Variants in TRHDE observed in about 807,000 individuals in gnomAD.
The protein encoded by TRHDE is thyrotropin releasing hormone degrading enzyme, also known as thyrotropin-releasing hormone-degrading ectoenzyme.
In TRHDE, 72 loss-of-function variants were observed where a neutral mutation model predicts 125.7. The observed-to-expected ratio is 0.57, with a 90% confidence interval of 0.47 to 0.70. The LOEUF is 0.70. Ranked by LOEUF, TRHDE falls within the 30% of genes least tolerant of loss-of-function variation. The pLI, the probability that TRHDE is intolerant of heterozygous loss-of-function variation, is 0.00. For synonymous variants in TRHDE, 509 were observed against 509.1 expected (o/e 1.00, Z 0.00); for missense variants, 1,110 against 1,327.1 (o/e 0.84, Z 2.54).
chr12:72,192,287 T>G (rs1408542001), intron 2 of TRHDE, among the ~76,000 whole-genome samples: 1 of 152,140 alleles, frequency 6.6e-6, no homozygotes. Flanking sequence ...CCAAGTGATA[T>G]CGATGCTTCT....
chr12:72,397,671 G>T (rs184820952), intron 3 of TRHDE, among the ~76,000 whole-genome samples: 1 of 152,110 alleles, frequency 6.6e-6, no homozygotes, highest in African/African-American at 2.4e-5. Context: ...GGTCTGAAAT[G>T]CTTTTCACTA....
chr12:72,618,435 C>T (rs1314678298), intron 12 of TRHDE, among the ~76,000 whole-genome samples: 2 of 152,026 alleles, frequency 1.3e-5, no homozygotes, highest in Non-Finnish European at 2.9e-5. Context: ...CTCAGAACTA[C>T]AAATTGACAC....
chr12:72,179,146 C>A (rs1414962120), intron 2 of TRHDE, among the ~76,000 whole-genome samples: 1 of 152,032 alleles, frequency 6.6e-6, no homozygotes, highest in Non-Finnish European at 1.5e-5. Context: ...ATTTCTGGTA[C>A]AAGAAGTTCA....
intron 5 of TRHDE, among the ~76,000 whole-genome samples, chr12:72,482,564 T>C (rs537262278): frequency 1.3e-5 from 2 of 152,094 alleles, no homozygotes; most frequent in South Asian, 2.1e-4. Context: ...AGGTAAGTTA[T>C]GCTTTTAAGT....
intron 2 of TRHDE, among the ~76,000 whole-genome samples, chr12:72,166,306 GAT>G (rs147991647): frequency 9.9e-5 from 15 of 151,062 alleles, no homozygotes; most frequent in African/African-American, 2.4e-4. Context: ...TACATGTGGA[GAT>G]ATATATATAT....
chr12:72,562,299 A>G (rs1870215510), intron 8 of TRHDE, 69 bp downstream of exon 8: 6 of 786,052 alleles, frequency 7.6e-6, no homozygotes, highest in Non-Finnish European at 1.1e-5. Context: ...TAAGACATTC[A>G]TAGCCTTTAT....
chr12:72,619,633 A>T (rs1189180480), intron 13 of TRHDE, among the ~76,000 whole-genome samples: 1 of 152,182 alleles, frequency 6.6e-6, no homozygotes, highest in East Asian at 1.9e-4. Flanking sequence ...AACCAAAATT[A>T]CACTGCTCAT....
chr12:72,423,626 C>T (rs181096530), intron 3 of TRHDE, among the ~76,000 whole-genome samples: 71 of 152,232 alleles, frequency 4.7e-4, no homozygotes, highest in African/African-American at 1.6e-3. Context: ...TCATTCTTAT[C>T]TTGGGAAACT....
chr12:72,624,785 G>T (rs1873191609), intron 15 of TRHDE, among the ~76,000 whole-genome samples: 2 of 151,930 alleles, frequency 1.3e-5, no homozygotes, highest in Non-Finnish European at 2.9e-5. Flanking sequence ...TTGTTAGGCT[G>T]CAATTTGGAG....
At position 72,154,877 on chromosome 12, in the gene TRHDE, G is replaced by A. The variant is rs371643286; in HGVS notation, n.279+49125G>A. On this transcript the variant is annotated intron_variant and non_coding_transcript_variant, in intron 2 of 4. Coordinates refer to the TRHDE transcript ENST00000548156. ...GAATCTGACAATTATGTGTCTTGGAGTTGCTCTTCTCTAGGAGTATCTTTG... is the reference window on the plus strand; with the variant it reads ...GAATCTGACAATTATGTGTCTTGGAATTGCTCTTCTCTAGGAGTATCTTTG... Among the ~76,000 whole-genome samples the A allele has an allele frequency of 1.1e-3, 168 of 152,224 alleles. 8 individuals carry two copies. The South Asian group carries it at 0.033, about 30-fold the overall frequency.
intron 2 of TRHDE, among the ~76,000 whole-genome samples, chr12:72,125,818 G>A (rs570838820): frequency 2.0e-5 from 3 of 152,248 alleles, no homozygotes; most frequent in Admixed American, 2.0e-4. Flanking sequence ...AAAAAATGAG[G>A]TGATCCCTAT....
rs1338917636 is a variant in TRHDE at position 72,592,849 on chromosome 12, T to A, written c.2321+17307T>A. 2.0e-5 allele frequency among the ~76,000 whole-genome samples: 3 copies of A among 152,068 alleles called. No individual in the cohort carries two copies. In the East Asian group the frequency reaches 5.8e-4, roughly 29 times the overall value. On this transcript the variant is annotated intron_variant, in intron 12 of 18. Coordinates refer to ENST00000261180, the MANE Select transcript of TRHDE (RefSeq NM_013381.3). Reference sequence around the variant, plus strand: ...CCTCAGCATCCCGAGTAGCTGGGATTACAGACACCTGCCACTATGCCCGGC... The same window carrying A: ...CCTCAGCATCCCGAGTAGCTGGGATAACAGACACCTGCCACTATGCCCGGC...
At chr12:72,138,932 T>C (rs373868288) in intron 2 of TRHDE, among the ~76,000 whole-genome samples, 2 of 152,156 alleles carry the variant, frequency 1.3e-5, no homozygotes, top group African/African-American at 4.8e-5. Flanking sequence ...AACTTGGCTG[T>C]GGGAAGCAAG....
chr12:72,308,832 A>G (rs1868407063), intron 2 of TRHDE, among the ~76,000 whole-genome samples: 1 of 152,156 alleles, frequency 6.6e-6, no homozygotes, highest in Admixed American at 6.5e-5. Flanking sequence ...CTAATCCAGT[A>G]TTATTCCCTT....
At chr12:72,549,837 C>T (rs186032792) in intron 7 of TRHDE, among the ~76,000 whole-genome samples, 1 of 151,590 alleles carries the variant, frequency 6.6e-6, no homozygotes, top group South Asian at 2.1e-4. Context: ...AGAGAAATAA[C>T]TTTTATTCAT....
At position 72,591,294 on chromosome 12, in the gene TRHDE, CTA is replaced by C. The variant is rs550987330; in HGVS notation, c.2321+15754_2321+15755del. On this transcript the variant is annotated intron_variant, in intron 12 of 18. Transcript: ENST00000261180. ...ATCCATATCACTGTTGGATTTTGAG[CTA>C]TGTTTCTTTGCATAATTTTTCTGCA... is the stretch of plus-strand genomic sequence containing the variant. Among the ~76,000 whole-genome samples, 336 of 152,198 alleles carry C rather than the reference CTA, an allele frequency of 2.2e-3. 2 individuals are homozygous for C. The highest frequency in any genetic ancestry group is 7.6e-3 in the African/African-American group (314 of 41,512).
intron 12 of TRHDE, among the ~76,000 whole-genome samples, chr12:72,580,616 T>C (rs1447014872): frequency 6.6e-6 from 1 of 152,190 alleles, no homozygotes; most frequent in Non-Finnish European, 1.5e-5. Context: ...TAGTTTTGTA[T>C]TTTTATTAAA....
chr12:72,430,005 TA>T (rs917336396), intron 3 of TRHDE, among the ~76,000 whole-genome samples: 15 of 151,996 alleles, frequency 9.9e-5, no homozygotes, highest in African/African-American at 3.4e-4. Flanking sequence ...ACAAAATTTT[TA>T]ATTTTGATGA....
intron 2 of TRHDE, among the ~76,000 whole-genome samples, chr12:72,192,819 A>C (rs1877366722): frequency 6.6e-6 from 1 of 152,122 alleles, no homozygotes; most frequent in Non-Finnish European, 1.5e-5. Flanking sequence ...GCTAGTTGTT[A>C]TCTTCAATAA....
Sources: allele counts gnomAD v4.1 joint callset (sites outside exome capture counted in the v4.1 genomes callset), GRCh38; gene constraint gnomAD v4.1.1; transcripts MANE v1.5; gene names NCBI Gene and HGNC (gene_info 2026-07-23, HGNC 2026-07-21).